NAV2: variants seen among roughly 807,000 people sequenced by gnomAD.
The protein encoded by NAV2 is helicase, APC down-regulated 1.
In NAV2, 54 loss-of-function variants were observed where a neutral mutation model predicts 223.2. The ratio of observed to expected loss-of-function variants is 0.24; its 90% confidence interval spans 0.19 to 0.30. The LOEUF is 0.30. Among genes scored for constraint, NAV2 ranks in the 10% least tolerant of loss-of-function variants. NAV2 has a pLI of 1.00. For missense variants in NAV2, 2,806 were observed against 3,147.5 expected (o/e 0.89, Z 2.60); for synonymous variants, 1,279 against 1,239.3 (o/e 1.03, Z -0.67).
intron 3 of NAV2, among the ~76,000 whole-genome samples, chr11:19,845,848 C>T (rs2060775976): frequency 6.6e-6 from 1 of 152,168 alleles, no homozygotes; most frequent in Non-Finnish European, 1.5e-5. Context: ...GCATTGTGTA[C>T]TTTTAGACTG....
At chr11:20,023,164 G>C (rs1343186065) in intron 11 of NAV2, 5 of 1,548,236 alleles carry the variant, frequency 3.2e-6, no homozygotes, top group Non-Finnish European at 4.4e-6. Flanking sequence ...TCTGGGGCCA[G>C]GGGGTGGGTG....
intron 1 of NAV2, among the ~76,000 whole-genome samples, chr11:19,571,070 T>G (rs990286794): frequency 2.0e-5 from 3 of 152,200 alleles, no homozygotes; most frequent in Non-Finnish European, 2.9e-5. Flanking sequence ...AAACAAAGTA[T>G]GGTATATCCA....
chr11:19,432,197 C>CAA (rs35019617), intron 1 of NAV2, among the ~76,000 whole-genome samples: 1 of 129,388 alleles, frequency 7.7e-6, no homozygotes, highest in Admixed American at 7.7e-5. Flanking sequence ...AAACTCCGAC[C>CAA]AAAAAAAAAA....
At chr11:19,650,890 A>G (rs1054728129) in intron 1 of NAV2, among the ~76,000 whole-genome samples, 25 of 152,266 alleles carry the variant, frequency 1.6e-4, no homozygotes, top group African/African-American at 6.0e-4. Flanking sequence ...TTAATGACGG[A>G]AAACAGAAAG....
chr11:19,361,658 TG>T (rs1366118700), intron 1 of NAV2, among the ~76,000 whole-genome samples: 1 of 152,032 alleles, frequency 6.6e-6, no homozygotes, highest in Non-Finnish European at 1.5e-5. Context: ...AAAACGTGAG[TG>T]TGGGATGTGT....
chr11:19,442,133 GA>G (rs1488891019), intron 1 of NAV2, among the ~76,000 whole-genome samples: 1 of 152,244 alleles, frequency 6.6e-6, no homozygotes, highest in Non-Finnish European at 1.5e-5. Context: ...TGCTGTGGCG[GA>G]AGTGGAGTGG....
chr11:19,793,220 AAAAAAAAAAG>A (rs2057653673), intron 1 of NAV2, among the ~76,000 whole-genome samples: 1 of 147,224 alleles, frequency 6.8e-6, no homozygotes, highest in African/African-American at 2.5e-5. Context: ...AAAAAAAAAA[AAAAAAAAAAG>A]AAAGAAAGAA....
chr11:19,712,516 A>G (rs1465459936), upstream of NAV2: 9 of 152,094 alleles, frequency 5.9e-5, no homozygotes, highest in Non-Finnish European at 1.2e-4. Context: ...AAAGGAAACA[A>G]ACTTCCCTCG....
chr11:19,499,356 C>G (rs2042892587), intron 1 of NAV2, among the ~76,000 whole-genome samples: 1 of 152,220 alleles, frequency 6.6e-6, no homozygotes, highest in South Asian at 2.1e-4. Flanking sequence ...CTTAGCATCT[C>G]TTAACCATGC....
At chr11:19,527,104 G>A (rs921751369) in intron 1 of NAV2, among the ~76,000 whole-genome samples, 5 of 151,434 alleles carry the variant, frequency 3.3e-5, no homozygotes, top group Middle Eastern at 3.2e-3. Context: ...TCCAAATCTC[G>A]TCTTGAATTG....
intron 3 of NAV2, among the ~76,000 whole-genome samples, chr11:19,862,799 A>G (rs747294218): frequency 6.6e-6 from 1 of 152,234 alleles, no homozygotes; most frequent in Non-Finnish European, 1.5e-5. Context: ...TAAATCGTGC[A>G]TAAGGCTGTG....
intron 1 of NAV2, among the ~76,000 whole-genome samples, chr11:19,422,967 G>C (rs1183800013): frequency 6.6e-6 from 1 of 152,194 alleles, no homozygotes; most frequent in African/African-American, 2.4e-5. Flanking sequence ...AAATCTAAAA[G>C]AGTCAAAAAC....
intron 26 of NAV2, among the ~76,000 whole-genome samples, chr11:20,087,307 C>T (rs2060514595): frequency 6.6e-6 from 1 of 152,158 alleles, no homozygotes; most frequent in Admixed American, 6.5e-5. Flanking sequence ...GCTCCTGGCT[C>T]CCCAGCCCTT....
intron 1 of NAV2, among the ~76,000 whole-genome samples, chr11:19,569,619 G>T (rs1317732873): frequency 6.6e-6 from 1 of 151,920 alleles, no homozygotes; most frequent in African/African-American, 2.4e-5. Context: ...TTATTTCTGT[G>T]GCCCCCATAG....
intron 6 of NAV2, among the ~76,000 whole-genome samples, chr11:19,920,853 A>G (rs1461323400): frequency 6.6e-6 from 1 of 152,156 alleles, no homozygotes; most frequent in South Asian, 2.1e-4. Context: ...CTGATTTTTA[A>G]AGGTGTCTTA....
At chr11:19,478,172 A>G (rs1245356702) in intron 1 of NAV2, among the ~76,000 whole-genome samples, 1 of 152,222 alleles carries the variant, frequency 6.6e-6, no homozygotes, top group Non-Finnish European at 1.5e-5. Flanking sequence ...GGGGAGAGAT[A>G]GTAGGTCACA....
intron 5 of NAV2, among the ~76,000 whole-genome samples, chr11:19,889,773 T>TTC (rs2041337154): frequency 6.6e-6 from 1 of 152,208 alleles, no homozygotes; most frequent in Admixed American, 6.5e-5. Flanking sequence ...AGCCCACAGA[T>TTC]ACCCCAAGTA....
At chr11:19,818,768 A>C (rs2059234400) in intron 1 of NAV2, among the ~76,000 whole-genome samples, 1 of 152,172 alleles carries the variant, frequency 6.6e-6, no homozygotes, top group Non-Finnish European at 1.5e-5. Flanking sequence ...GTCTCATGGC[A>C]GTGTTACTTA....
chr11:20,097,996 A>C (rs937857865), intron 31 of NAV2, among the ~76,000 whole-genome samples: 11 of 152,202 alleles, frequency 7.2e-5, no homozygotes, highest in African/African-American at 2.7e-4. Flanking sequence ...TGACTCTGAG[A>C]TGATGGAATC....
Sources: allele counts gnomAD v4.1 joint callset (sites outside exome capture counted in the v4.1 genomes callset), GRCh38; gene constraint gnomAD v4.1.1; transcripts MANE v1.5; gene names NCBI Gene and HGNC (gene_info 2026-07-23, HGNC 2026-07-21).